The following PICALM variants were observed in gnomAD, a reference collection of about 807,000 sequenced individuals.
The protein encoded by PICALM is phosphatidylinositol-binding clathrin assembly protein.
A neutral mutation model predicts 80.5 loss-of-function variants in PICALM; 40 were observed. That is an observed-to-expected ratio of 0.50 (90% CI 0.39 to 0.65). PICALM has a LOEUF of 0.65. Among genes scored for constraint, PICALM ranks in the 30% least tolerant of loss-of-function variants. The probability of loss-of-function intolerance (pLI) is 0.00; values close to 1 mark genes in which losing one functional copy is unlikely to be tolerated. For synonymous variants in PICALM, 288 were observed against 260.3 expected (o/e 1.11, Z -1.02); for missense variants, 676 against 778.9 (o/e 0.87, Z 1.57).
intron 19 of PICALM, among the ~76,000 whole-genome samples, chr11:85,971,735 C>CAA (rs552000109): frequency 1.1e-3 from 144 of 132,848 alleles, no homozygotes; most frequent in East Asian, 1.8e-3. Flanking sequence ...GACCCTGTCT[C>CAA]AAAAAAAAAA....
intron 11 of PICALM, 37 bp downstream of exon 11, chr11:86,000,606 C>CTACA (rs748880310): frequency 6.4e-7 from 1 of 1,551,966 alleles, no homozygotes; most frequent in Admixed American, 1.9e-5. Context: ...GTCTTTGAAC[C>CTACA]TACATATTCA....
In PICALM at chr11:86,027,727, C is replaced by A. The variant is rs1593086425; in HGVS notation, c.274-1360G>T. 5.9e-5 allele frequency among the ~76,000 whole-genome samples: 9 copies of A among 152,176 alleles called. No individual in the cohort carries two copies. In the South Asian group the frequency reaches 8.3e-4, roughly 14 times the overall value. On this transcript the variant is annotated intron_variant, in intron 2 of 19. Transcript: ENST00000393346. ...GTAGAGACAACGTCTTACTACATTGCCTAGGCTGGTCTGGAACTCTTGGGC... is the reference window on the plus strand; with the variant it reads ...GTAGAGACAACGTCTTACTACATTGACTAGGCTGGTCTGGAACTCTTGGGC...
At chr11:86,037,271 T>C (rs948487993) in intron 1 of PICALM, among the ~76,000 whole-genome samples, 2 of 146,164 alleles carry the variant, frequency 1.4e-5, no homozygotes, top group African/African-American at 2.5e-5. Context: ...TTTTTTTTTT[T>C]TTTTTTGAGA....
chr11:85,962,782 T>A (rs1486378160), intron 19 of PICALM, among the ~76,000 whole-genome samples: 1 of 152,092 alleles, frequency 6.6e-6, no homozygotes, highest in Non-Finnish European at 1.5e-5. Context: ...ATCATCAATA[T>A]CTGTATCAAG....
intron 4 of PICALM, among the ~76,000 whole-genome samples, chr11:86,017,206 G>C (rs1336852949): frequency 7.4e-6 from 1 of 135,992 alleles, no homozygotes; most frequent in Non-Finnish European, 1.6e-5. Context: ...CTGGGTGACA[G>C]AGTGAGACTC....
At chr11:85,996,201 A>T (rs1027767227) in intron 12 of PICALM, among the ~76,000 whole-genome samples, 2 of 152,180 alleles carry the variant, frequency 1.3e-5, no homozygotes, top group Non-Finnish European at 2.9e-5. Context: ...ACTCATTAGA[A>T]TAATTAACTT....
chr11:85,982,604 T>G (rs1214652974), intron 14 of PICALM, among the ~76,000 whole-genome samples: 4 of 146,422 alleles, frequency 2.7e-5, no homozygotes, highest in African/African-American at 1.0e-4. Flanking sequence ...ATTTTTTGTA[T>G]TTTTAGTAGA....
chr11:86,022,253 T>C (rs1335365203), intron 4 of PICALM, 114 bp downstream of exon 4: 2 of 621,368 alleles, frequency 3.2e-6, no homozygotes, highest in Non-Finnish European at 5.5e-6. Context: ...CAAAGAAAAA[T>C]GAGGCTCATC....
chr11:86,030,611 C>G (rs558729614), intron 2 of PICALM, among the ~76,000 whole-genome samples: 5 of 152,294 alleles, frequency 3.3e-5, no homozygotes, highest in Admixed American at 2.6e-4. Context: ...GCTAGGCTAT[C>G]ACGGAAAGTA....
At chr11:86,029,332 C>T (rs1462075535) in intron 2 of PICALM, among the ~76,000 whole-genome samples, 1 of 152,178 alleles carries the variant, frequency 6.6e-6, no homozygotes, top group Non-Finnish European at 1.5e-5. Flanking sequence ...CTATGTACAG[C>T]CTCTAACAAA....
upstream of PICALM, chr11:86,069,411 TGGCGGGGGTGGGGCGGGGC>T (rs2096488600): frequency 6.6e-6 from 1 of 151,900 alleles, no homozygotes; most frequent in African/African-American, 2.4e-5. Flanking sequence ...GGCGGTGTGC[TGGCGGGGGTGGGGCGGGGC>T]GGCAGGCTTC....
At chr11:86,026,156 T>C (rs552525320) in intron 3 of PICALM, 136 bp downstream of exon 3, 1 of 588,496 alleles carries the variant, frequency 1.7e-6, no homozygotes, top group South Asian at 2.2e-5. Context: ...AAAAGACAGT[T>C]TTTTCTTTCC....
chr11:86,028,606 A>G (rs2095691298), intron 2 of PICALM, among the ~76,000 whole-genome samples: 1 of 152,186 alleles, frequency 6.6e-6, no homozygotes, highest in Admixed American at 6.5e-5. Flanking sequence ...GTACTATCAT[A>G]TTATTGAGGA....
At chr11:85,985,663 C>T (rs1348725129) in intron 13 of PICALM, among the ~76,000 whole-genome samples, 1 of 152,082 alleles carries the variant, frequency 6.6e-6, no homozygotes, top group Non-Finnish European at 1.5e-5. Context: ...ATTGGTTGTT[C>T]TCTTAACTCT....
chr11:86,010,088 A>T (rs1414503020), intron 7 of PICALM, among the ~76,000 whole-genome samples: 1 of 152,200 alleles, frequency 6.6e-6, no homozygotes. Flanking sequence ...CCTAGGAAGA[A>T]ATCTTTGGTG....
intron 1 of PICALM, among the ~76,000 whole-genome samples, chr11:86,049,020 C>T (rs1297660431): frequency 6.6e-6 from 1 of 152,058 alleles, no homozygotes; most frequent in Non-Finnish European, 1.5e-5. Context: ...GGGCCGGGTG[C>T]GGTGGCTCCC....
At chr11:85,976,976 G>T in intron 17 of PICALM, 1 of 220,054 alleles carries the variant, frequency 4.5e-6, no homozygotes, top group Non-Finnish European at 9.1e-6. Context: ...ATTTAAAAAA[G>T]TATCTTAAAT....
intron 1 of PICALM, among the ~76,000 whole-genome samples, chr11:86,064,165 T>C (rs571981397): frequency 6.6e-6 from 1 of 152,338 alleles, no homozygotes; most frequent in Admixed American, 6.5e-5. Flanking sequence ...ATATGCAAAA[T>C]ATTCAAATCC....
rs561389739 is a variant in PICALM at position 86,039,955 on chromosome 11, G to A, written c.131-8344C>T. ...GGTGGCGGAGCTTGCAGTGAGCCGA[G>A]ATCGCGCCATTGCACTCCAGCCTGG... On this transcript the variant is annotated intron_variant, in intron 1 of 19. Transcript: ENST00000393346. 2.4e-3 allele frequency among the ~76,000 whole-genome samples: 334 copies of A among 137,356 alleles called. 2 individuals are homozygous for A. Among genetic ancestry groups the A allele is most frequent in the African/African-American group, 8.5e-3 (320 of 37,448 alleles). The allele number at this position is 137,356 out of a possible 152,430, so 90.1% of individuals were successfully genotyped here. A position where few individuals can be genotyped will look rare whatever the true frequency, so the allele number is the denominator to read the frequency against.
Sources: gnomAD v4.1 joint callset for allele counts (sites outside exome capture counted in the v4.1 genomes callset) on GRCh38, gnomAD v4.1.1 for gene constraint, MANE v1.5 for transcripts, NCBI Gene and HGNC (gene_info 2026-07-23, HGNC 2026-07-21) for gene names.